The following SPANXD variants were observed in gnomAD, a reference collection of about 807,000 sequenced individuals.
SPANXD encodes SPANX family member D.
SPANXD carries 2 observed loss-of-function variants against 1.8 expected under a neutral mutation model. The ratio of observed to expected loss-of-function variants is 1.10; its 90% confidence interval spans 0.45 to 3.47. The LOEUF (loss-of-function observed/expected upper bound fraction) is 3.47, where lower values mean the gene tolerates loss of function less well. Among genes scored for constraint, SPANXD ranks in the 30% most tolerant of loss-of-function variants. The probability of loss-of-function intolerance (pLI) is 0.08; values close to 1 mark genes in which losing one functional copy is unlikely to be tolerated. For synonymous variants in SPANXD, 30 were observed against 32.9 expected, an observed-to-expected ratio of 0.91 and a Z score of 0.30; for missense variants, 80 against 81.6, an observed-to-expected ratio of 0.98 and a Z score of 0.07.
In SPANXD at chrX:141,697,577, C is replaced by A. The variant is rs781974760; in HGVS notation, c.182G>T (p.Arg61Ile). 7 of 1,204,012 alleles carry A rather than the reference C, an allele frequency of 5.8e-6. No individual in the cohort carries two copies. The Admixed American group carries it at 1.5e-4, about 26-fold the overall frequency. Residue 61 changes from arginine to isoleucine, a missense_variant, in exon 2 of 2, where the codon AGA (arginine) becomes ATA (isoleucine). Physicochemically the swap from Arg to Ile is moderately conservative, Grantham distance 97 (BLOSUM62 -3). Coordinates refer to ENST00000370515, the MANE Select transcript of SPANXD (RefSeq NM_032417.4). ...ATTCACCAGTTCCTCTGGAGATGTT[C>A]TTTTAAAGTTCCTCCTGTAGCGAAC... ...LVVRYRRNFK[R>I]TSPEELVNDH...
chrX:141,698,596 A>T lies in SPANXD; in HGVS notation c.-191T>A. On this transcript the variant is annotated 5_prime_UTR_variant, in exon 1 of 2. Transcript: ENST00000370515. The stretch of plus-strand genomic sequence containing the variant: ...CCCTAGGGTGGCTTCGACGTCACAA[A>T]GCCCCACTGCTGACCACTCCCTGGG... 1.8e-5 allele frequency: 15 copies of T among 855,269 alleles called. No individual in the cohort carries two copies. The highest frequency in any genetic ancestry group is 2.5e-5 in the Non-Finnish European group (15 of 605,244). The allele number at this position is 855,269 out of a possible 1,213,427, so 70.5% of individuals were successfully genotyped here. A position where few individuals can be genotyped will look rare whatever the true frequency, so the allele number is the denominator to read the frequency against.
In SPANXD at chrX:141,697,659, C is replaced by G. The variant is rs1556402427; in HGVS notation, c.100G>C (p.Asp34His). ...AGTTTTTTCGGAGCAGGTTGCGGGT[C>G]TGAGTACCCACTCGAGGTCTCCGGC... ...MMPETSSGYS[D>H]PQPAPKKLKT... Residue 34 changes from aspartate to histidine, a missense_variant, in exon 2 of 2, where the codon GAC becomes CAC. Transcript: ENST00000370515. The G allele has an allele frequency of 2.5e-6, 3 of 1,186,388 alleles. No homozygotes were observed. Among genetic ancestry groups the G allele is most frequent in the East Asian group, 3.0e-5 (1 of 33,473 alleles).
Position 141,698,474 on chromosome X carries a change from G to A in SPANXD, c.-69C>T. 5 of 1,184,990 alleles carry A rather than the reference G, an allele frequency of 4.2e-6. No individual in the cohort carries two copies. In the South Asian group the frequency reaches 5.4e-5, roughly 13 times the overall value. ...TTTTGAATCTTCTCAGTGGCCCGGA[G>A]CTCTTGCCCTCCCTATGTATACCCT... On this transcript the variant is annotated 5_prime_UTR_variant, in exon 1 of 2. Coordinates refer to ENST00000370515, the MANE Select transcript of SPANXD (RefSeq NM_032417.4).
rs782335455 is a variant in SPANXD, at chrX:141,698,323, AAC to A, written c.72+9_72+10del. The stretch of plus-strand genomic sequence containing the variant: ...CACCCTCGCCTTCACTTCAGAACCT[AAC>A]AGTCTTACCATCTCGTTGGCCTCGT... On this transcript the variant is annotated intron_variant, in intron 1 of 1. Transcript: ENST00000370515. The A allele has an allele frequency of 8.5e-7, 1 of 1,178,831 alleles. No homozygotes were observed. Among genetic ancestry groups the A allele is most frequent in the African/African-American group, 2.1e-5 (1 of 48,628 alleles).
At position 141,698,651 on chromosome X, in the gene SPANXD, A is replaced by C. The variant is rs1602988560; in HGVS notation, c.-246T>G. 1 of 399,867 alleles carries C rather than the reference A, an allele frequency of 2.5e-6. No individual in the cohort carries two copies. The highest frequency in any genetic ancestry group is 4.5e-6 in the Non-Finnish European group (1 of 222,626). The allele number at this position is 399,867 out of a possible 1,213,427, so 33.0% of individuals were successfully genotyped here. Reference sequence around the variant, plus strand: ...CGGGCGAGGGGTGACAGGGGTGTAGAGCAAACCAAATGCTGCTGTTGTTTC... The same window carrying C: ...CGGGCGAGGGGTGACAGGGGTGTAGCGCAAACCAAATGCTGCTGTTGTTTC... On this transcript the variant is annotated 5_prime_UTR_variant, in exon 1 of 2. Transcript: ENST00000370515.
At position 141,697,560 on chromosome X, in the gene SPANXD, G is replaced by A. The variant is rs2016811155; in HGVS notation, c.199C>T (p.Leu67=). The change falls in exon 2 of 2, where the codon CTG becomes TTG. Residue 67 remains leucine, a synonymous_variant. Transcript: ENST00000370515. ...RNFKRTSPEE[L]VNDHARKNRI... is the part of the protein sequence containing the mutation. ...TTCTTTCGGGCGTGGTCATTCACCA[G>A]TTCCTCTGGAGATGTTCTTTTAAAG... 8.3e-7 allele frequency: 1 copy of A among 1,206,457 alleles called. No individual in the cohort carries two copies. Among genetic ancestry groups the A allele is most frequent in the African/African-American group, 1.8e-5 (1 of 57,023 alleles).
At position 141,697,509 on chromosome X, in the gene SPANXD, C is replaced by T. The variant is rs782579220; in HGVS notation, c.250G>A (p.Glu84Lys). The T allele has an allele frequency of 8.4e-5, 101 of 1,206,452 alleles. No individual in the cohort carries two copies. Among genetic ancestry groups the T allele is most frequent in the Non-Finnish European group, 1.1e-4 (98 of 893,580 alleles). Reference sequence around the variant, plus strand: ...ACCATTATTTCCATGAATTCCTCCTCCTCCATTTGGAGGGGGTTGATTCTG... The same window carrying T: ...ACCATTATTTCCATGAATTCCTCCTTCTCCATTTGGAGGGGGTTGATTCTG... ...KNRINPLQME[E>K]EEFMEIMVEI... Residue 84 changes from glutamate to lysine, a missense_variant, in exon 2 of 2, where the codon GAG (glutamate) becomes AAG (lysine). Around this residue, in one of 2 missense-constraint regions of SPANXD, gnomAD observed 78 missense variants for 58.7 expected, o/e 1.33. Transcript: ENST00000370515.
chrX:141,698,636 G>A lies in SPANXD; in HGVS notation c.-231C>T. ...CACTCCCTGGGCTTGCGGGCGAGGG[G>A]TGACAGGGGTGTAGAGCAAACCAAA... is the stretch of plus-strand genomic sequence containing the variant. On this transcript the variant is annotated 5_prime_UTR_variant, in exon 1 of 2. Transcript: ENST00000370515. The A allele has an allele frequency of 2.3e-6, 1 of 440,061 alleles. No individual in the cohort carries two copies. Among genetic ancestry groups the A allele is most frequent in the Non-Finnish European group, 4.0e-6 (1 of 251,212 alleles). 36.3% of individuals were successfully genotyped at this position (440,061 alleles called of 1,213,427 possible).
At position 141,697,462 on chromosome X, in the gene SPANXD, T is replaced by G. The variant is rs371308003; in HGVS notation, c.*3A>C. On this transcript the variant is annotated 3_prime_UTR_variant, in exon 2 of 2. Transcript: ENST00000370515. ...GCCCAAGGTTGAGAGATGTAGCTTC[T>G]TGCTACTTTGCAGGTATTTCAACCA... 4.1e-5 allele frequency: 50 copies of G among 1,207,362 alleles called. No individual in the cohort carries two copies. Among genetic ancestry groups the G allele is most frequent in the Non-Finnish European group, 5.6e-5 (50 of 894,414 alleles).
chrX:141,697,541 C>A lies in SPANXD; in HGVS notation c.218G>T (p.Arg73Leu). Reference sequence around the variant, plus strand: ...TTGGAGGGGGTTGATTCTGTTCTTTCGGGCGTGGTCATTCACCAGTTCCTC... The same window carrying A: ...TTGGAGGGGGTTGATTCTGTTCTTTAGGGCGTGGTCATTCACCAGTTCCTC... ...SPEELVNDHA[R>L]KNRINPLQME... Residue 73 changes from arginine to leucine, a missense_variant, in exon 2 of 2, where the codon CGA (arginine) becomes CTA (leucine). This residue lies in a region of SPANXD where 78 missense variants were observed against 58.7 expected (regional missense o/e 1.33). Coordinates refer to ENST00000370515, the MANE Select transcript of SPANXD (RefSeq NM_032417.4). The A allele has an allele frequency of 8.3e-7, 1 of 1,206,513 alleles. No homozygotes were observed. Among genetic ancestry groups the A allele is most frequent in the Non-Finnish European group, 1.1e-6 (1 of 892,455 alleles).
In SPANXD at chrX:141,697,525, G is replaced by T. The variant is rs781909487; in HGVS notation, c.234C>A (p.Asn78Lys). The T allele has an allele frequency of 9.6e-5, 116 of 1,205,060 alleles. 2 individuals are homozygous for T. Among genetic ancestry groups the T allele is most frequent in the South Asian group, 1.1e-4 (6 of 56,486 alleles). Residue 78 changes from asparagine to lysine, a missense_variant, in exon 2 of 2, where the codon AAC becomes AAA. Asn to Lys is a moderately conservative substitution (Grantham distance 94). Around this residue, in one of 2 missense-constraint regions of SPANXD, gnomAD observed 78 missense variants for 58.7 expected, o/e 1.33. Coordinates refer to ENST00000370515, the MANE Select transcript of SPANXD (RefSeq NM_032417.4). ...VNDHARKNRI[N>K]PLQMEEEEFM... Reference sequence around the variant, plus strand: ...ATTCCTCCTCCTCCATTTGGAGGGGGTTGATTCTGTTCTTTCGGGCGTGGT... The same window carrying T: ...ATTCCTCCTCCTCCATTTGGAGGGGTTTGATTCTGTTCTTTCGGGCGTGGT...
In SPANXD at chrX:141,697,793, G is replaced by A. The variant is rs781936107; in HGVS notation, c.73-107C>T. ...AGAAGAAGGAATGCGGGTTGAGGAAGGGGTTTGATCCAGAGAAGAAGAAGG... is the reference window on the plus strand; with the variant it reads ...AGAAGAAGGAATGCGGGTTGAGGAAAGGGTTTGATCCAGAGAAGAAGAAGG... On this transcript the variant is annotated intron_variant, in intron 1 of 1. Transcript: ENST00000370515. The A allele has an allele frequency of 5.2e-4, 424 of 821,928 alleles. 3 individuals carry two copies. The East Asian group carries it at 0.013, about 24-fold the overall frequency. The allele number at this position is 821,928 out of a possible 1,213,427, so 67.7% of individuals were successfully genotyped here. A position where few individuals can be genotyped will look rare whatever the true frequency, so the allele number is the denominator to read the frequency against.
rs1339748637 is a variant in SPANXD, at chrX:141,698,501, C to T, written c.-96G>A. 3 of 801,831 alleles carry T rather than the reference C, an allele frequency of 3.7e-6. No homozygotes were observed. The highest frequency in any genetic ancestry group is 5.4e-6 in the Non-Finnish European group (3 of 556,185). 66.1% of individuals were successfully genotyped at this position (801,831 alleles called of 1,213,427 possible). A position where few individuals can be genotyped will look rare whatever the true frequency, so the allele number is the denominator to read the frequency against. ...TCTTGCCCTCCCTATGTATACCCTC[C>T]TGGTGACAAGGCAAAGCCACACCCT... On this transcript the variant is annotated 5_prime_UTR_variant, in exon 1 of 2. Coordinates refer to ENST00000370515, the MANE Select transcript of SPANXD (RefSeq NM_032417.4).
In SPANXD at chrX:141,697,549, G is replaced by A; in HGVS notation, c.210C>T (p.Asp70=). The change falls in exon 2 of 2, where the codon GAC becomes GAT. Residue 70 remains aspartate, a synonymous_variant. Transcript: ENST00000370515. ...GGTTGATTCTGTTCTTTCGGGCGTG[G>A]TCATTCACCAGTTCCTCTGGAGATG... ...KRTSPEELVN[D]HARKNRINPL... The A allele has an allele frequency of 8.3e-7, 1 of 1,206,635 alleles. No homozygotes were observed. Among genetic ancestry groups the A allele is most frequent in the Non-Finnish European group, 1.1e-6 (1 of 892,535 alleles).
At chrX:141,698,140 A>T in intron 1 of SPANXD, among the ~76,000 whole-genome samples, 194 bp downstream of exon 1, 1 of 45,399 alleles carries the variant, frequency 2.2e-5, no homozygotes, top group Admixed American at 2.7e-4. Context: ...GCCGGGCAGC[A>T]AGCCATACTG....
chrX:141,697,546 G>C lies in SPANXD; in HGVS notation c.213C>G (p.His71Gln). The change falls in exon 2 of 2, where the codon CAC (histidine) becomes CAG (glutamine). Residue 71 changes from histidine (H) to glutamine (Q), a missense_variant. Transcript: ENST00000370515. ...GGGGGTTGATTCTGTTCTTTCGGGC[G>C]TGGTCATTCACCAGTTCCTCTGGAG... ...RTSPEELVND[H>Q]ARKNRINPLQ... 1 of 1,206,669 alleles carries C rather than the reference G, an allele frequency of 8.3e-7. No individual in the cohort carries two copies. Among genetic ancestry groups the C allele is most frequent in the African/African-American group, 1.8e-5 (1 of 57,057 alleles).
At position 141,697,590 on chromosome X, in the gene SPANXD, T is replaced by C. The variant is rs1556402341; in HGVS notation, c.169A>G (p.Arg57Gly). The change falls in exon 2 of 2, where the codon AGG (arginine) becomes GGG (glycine). Residue 57 changes from arginine (R) to glycine (G), a missense_variant. By Grantham distance (125) the Arg-to-Gly change is moderately radical. Coordinates refer to ENST00000370515, the MANE Select transcript of SPANXD (RefSeq NM_032417.4). ...TCTGGAGATGTTCTTTTAAAGTTCC[T>C]CCTGTAGCGAACCACTAGTATGGTC... is the stretch of plus-strand genomic sequence containing the variant. ...SSTILVVRYRRNFKRTSPEEL... is the reference protein window; with the variant it reads ...SSTILVVRYRGNFKRTSPEEL... 8.3e-7 allele frequency: 1 copy of C among 1,204,709 alleles called. No individual in the cohort carries two copies. The highest frequency in any genetic ancestry group is 3.0e-5 in the East Asian group (1 of 33,761).
rs1359160435 is a variant in SPANXD, at chrX:141,697,594, G to A, written c.165C>T (p.Tyr55=). The A allele has an allele frequency of 8.3e-7, 1 of 1,202,331 alleles. No homozygotes were observed. The highest frequency in any genetic ancestry group is 2.2e-5 in the Admixed American group (1 of 45,412). The part of the protein sequence containing the change: ...SESSTILVVR[Y]RRNFKRTSPE... ...GAGATGTTCTTTTAAAGTTCCTCCT[G>A]TAGCGAACCACTAGTATGGTCGAGG... The change falls in exon 2 of 2, where the codon TAC becomes TAT. Residue 55 remains tyrosine, a synonymous_variant. Coordinates refer to ENST00000370515, the MANE Select transcript of SPANXD (RefSeq NM_032417.4).
At position 141,698,585 on chromosome X, in the gene SPANXD, C is replaced by T. The variant is rs782526695; in HGVS notation, c.-180G>A. ...GCCAATGGCAGCCCTAGGGTGGCTT[C>T]GACGTCACAAAGCCCCACTGCTGAC... is the stretch of plus-strand genomic sequence containing the variant. On this transcript the variant is annotated 5_prime_UTR_variant, in exon 1 of 2. Coordinates refer to ENST00000370515, the MANE Select transcript of SPANXD (RefSeq NM_032417.4). 9 of 953,476 alleles carry T rather than the reference C, an allele frequency of 9.4e-6. No homozygotes were observed. In the African/African-American group the frequency reaches 1.2e-4, roughly 13 times the overall value. 78.6% of individuals were successfully genotyped at this position (953,476 alleles called of 1,213,427 possible).
Sources: allele counts gnomAD v4.1 joint callset (sites outside exome capture counted in the v4.1 genomes callset), GRCh38; gene constraint gnomAD v4.1.1; regional missense constraint gnomAD v4.1.1; transcripts MANE v1.5; gene names NCBI Gene and HGNC (gene_info 2026-07-23, HGNC 2026-07-21).